SMARCA4: variants seen among roughly 807,000 people sequenced by gnomAD.
SMARCA4 encodes SWI/SNF related BAF chromatin remodeling complex subunit ATPase 4, also known as SWI/SNF-related matrix-associated actin-dependent regulator of chromatin subfamily A member 4.
SMARCA4 carries 31 observed loss-of-function variants against 193.9 expected under a neutral mutation model. That is an observed-to-expected ratio of 0.16 (90% CI 0.12 to 0.22). SMARCA4 has a LOEUF of 0.22. Ranked by LOEUF, SMARCA4 falls within the 10% of genes least tolerant of loss-of-function variation. The probability of loss-of-function intolerance (pLI) is 1.00; values close to 1 mark genes in which losing one functional copy is unlikely to be tolerated. For missense variants in SMARCA4, 1,148 were observed against 2,296.0 expected (o/e 0.50, Z 10.22); for synonymous variants, 942 against 933.1 (o/e 1.01, Z -0.17).
intron 34 of SMARCA4, among the ~76,000 whole-genome samples, chr19:11,061,192 A>T (rs1477377853): frequency 3.0e-4 from 11 of 37,178 alleles, no homozygotes; most frequent in South Asian, 1.4e-3. Context: ...TGTCTTTAAA[A>T]AAAAAAAAAA....
At position 10,985,347 on chromosome 19, in the gene SMARCA4, G is replaced by A. The variant is rs771605253; in HGVS notation, c.297G>A (p.Arg99=). ...ACCAGATGAAAGGAATGGGGATGCGGTCAGGGGGCCATGCTGGGATGGGGC... is the reference window on the plus strand; with the variant it reads ...ACCAGATGAAAGGAATGGGGATGCGATCAGGGGGCCATGCTGGGATGGGGC... The part of the protein sequence containing the change: ...RYNQMKGMGM[R]SGGHAGMGPP... The change falls in exon 3 of 35, where the codon CGG becomes CGA. Residue 99 remains arginine, a synonymous_variant. Transcript: ENST00000344626. The surrounding 1 kb of genome is among the most constrained non-coding windows in gnomAD (Gnocchi z 4.5). 30 of 1,613,992 alleles carry A rather than the reference G, an allele frequency of 1.9e-5. No individual in the cohort carries two copies. In the South Asian group the frequency reaches 3.2e-4, roughly 17 times the overall value.
chr19:10,991,527 C>T (rs755132971), intron 8 of SMARCA4, among the ~76,000 whole-genome samples: 15 of 152,192 alleles, frequency 9.9e-5, no homozygotes, highest in Non-Finnish European at 2.1e-4. Context: ...GAAATCCACG[C>T]GTAGCACGTC....
In SMARCA4 at chr19:10,986,687, G is replaced by A; in HGVS notation, c.760+94G>A. 1 of 1,521,814 alleles carries A rather than the reference G, an allele frequency of 6.6e-7. No homozygotes were observed. Among genetic ancestry groups the A allele is most frequent in the Non-Finnish European group, 8.8e-7 (1 of 1,137,284 alleles). 94.3% of individuals were successfully genotyped at this position (1,521,814 alleles called of 1,614,324 possible). On this transcript the variant is annotated intron_variant, in intron 4 of 34. Transcript: ENST00000344626. The surrounding 1 kb of genome is among the most constrained non-coding windows in gnomAD (Gnocchi z 6.7). ...CAGACCGTGCTCTGTTGCCGACTGG[G>A]TTCCCCGGTTTGGGATTGCACGGGC...
At chr19:11,045,478 C>T (rs977967701) in intron 30 of SMARCA4, among the ~76,000 whole-genome samples, 1 of 152,188 alleles carries the variant, frequency 6.6e-6, no homozygotes, top group Non-Finnish European at 1.5e-5. Flanking sequence ...CTCTATAGAT[C>T]TGGATGTGTA....
intron 15 of SMARCA4, chr19:11,011,006 C>T (rs1210575188): frequency 4.1e-6 from 1 of 245,586 alleles, no homozygotes; most frequent in Non-Finnish European, 8.2e-6. Context: ...GGACTCCGCT[C>T]TTTCTTCTGG....
At position 11,031,047 on chromosome 19, in the gene SMARCA4, TC is replaced by T; in HGVS notation, c.3546+155del. ...GCTGCACCCATATCTCCATAGGTCA[TC>T]AGGGAGAAAAGAGGCGGGGTCCTCC... On this transcript the variant is annotated intron_variant, in intron 25 of 34. Coordinates refer to ENST00000344626, the MANE Select transcript of SMARCA4 (RefSeq NM_003072.5). This position sits in a 1 kb window ranked among gnomAD's most constrained non-coding sequence, Gnocchi z 4.3. 1.4e-6 allele frequency: 1 copy of T among 727,244 alleles called. No individual in the cohort carries two copies. Among genetic ancestry groups the T allele is most frequent in the Non-Finnish European group, 2.4e-6 (1 of 415,582 alleles). The allele number at this position is 727,244 out of a possible 1,614,324, so 45.0% of individuals were successfully genotyped here. A position where few individuals can be genotyped will look rare whatever the true frequency, so the allele number is the denominator to read the frequency against.
rs1060502077 is a variant in SMARCA4, at chr19:10,984,195, G to C, written c.44G>C (p.Gly15Ala). The C allele has an allele frequency of 1.9e-6, 3 of 1,613,448 alleles. No individual in the cohort carries two copies. The highest frequency in any genetic ancestry group is 2.5e-6 in the Non-Finnish European group (3 of 1,179,838). Residue 15 changes from glycine (G) to alanine (A), a missense_variant, in exon 2 of 35, where the codon GGT (glycine) becomes GCT (alanine). Gly to Ala is a moderately conservative substitution (Grantham distance 60, BLOSUM62 0). Transcript: ENST00000344626. The surrounding 1 kb of genome is among the most constrained non-coding windows in gnomAD (Gnocchi z 4.3). ...CCCCTGGGCGGAACTCCTCGGCCAG[G>C]TCCTTCCCCGGGCCCTGGCCCTTCC... Reference protein sequence around the residue: ...DPPLGGTPRPGPSPGPGPSPG... With the variant: ...DPPLGGTPRPAPSPGPGPSPG...
At chr19:11,000,681 C>G (rs1306463188) in intron 11 of SMARCA4, among the ~76,000 whole-genome samples, 1 of 151,966 alleles carries the variant, frequency 6.6e-6, no homozygotes, top group Non-Finnish European at 1.5e-5. Flanking sequence ...GAGTTCGAGA[C>G]CAGTCTGGCC....
intron 1 of SMARCA4, among the ~76,000 whole-genome samples, chr19:10,972,148 G>T (rs1241508378): frequency 6.6e-6 from 1 of 151,992 alleles, no homozygotes; most frequent in East Asian, 1.9e-4. Flanking sequence ...TAGTAGAGAT[G>T]AGTTTTAACC....
rs1303255317 is a variant in SMARCA4, at chr19:11,058,277, G to A, written c.4447G>A (p.Glu1483Lys). The change falls in exon 31 of 35, where the codon GAG becomes AAG. Residue 1483 changes from glutamate (E) to lysine (K), a missense_variant. By Grantham distance (56) the Glu-to-Lys change is moderately conservative (BLOSUM62 1). Around this residue, in one of 17 missense-constraint regions of SMARCA4, gnomAD observed 141 missense variants for 193.0 expected, o/e 0.73. Transcript: ENST00000344626. This position sits in a 1 kb window ranked among gnomAD's most constrained non-coding sequence, Gnocchi z 5.8. The stretch of plus-strand genomic sequence containing the variant: ...CAGCAGCAGTGGACGTCAGCTCAGC[G>A]AGGTCTTCATCCAGCTGCCCTCGCG... ...KDSSSGRQLSEVFIQLPSRKE... is the reference protein window; with the variant it reads ...KDSSSGRQLSKVFIQLPSRKE... 4 of 1,612,952 alleles carry A rather than the reference G, an allele frequency of 2.5e-6. No individual in the cohort carries two copies. Among genetic ancestry groups the A allele is most frequent in the Non-Finnish European group, 3.4e-6 (4 of 1,179,880 alleles).
chr19:10,971,841 G>C (rs1196262903), intron 1 of SMARCA4, among the ~76,000 whole-genome samples: 3 of 149,168 alleles, frequency 2.0e-5, no homozygotes. Context: ...GGAGTGCAAT[G>C]GTGCGATCTT....
chr19:11,007,849 G>A (rs1309771871), intron 13 of SMARCA4, 53 bp from the exon 14 acceptor site: 31 of 1,601,736 alleles, frequency 1.9e-5, no homozygotes, highest in East Asian at 6.7e-5. Flanking sequence ...TGGGAGTCCC[G>A]TCCCCCCTCT....
chr19:10,989,394 A>G lies in SMARCA4; in HGVS notation c.1196A>G (p.Lys399Arg), dbSNP rs1364132635. The G allele has an allele frequency of 6.2e-7, 1 of 1,614,152 alleles. No homozygotes were observed. Among genetic ancestry groups the G allele is most frequent in the Admixed American group, 1.7e-5 (1 of 60,022 alleles). The change falls in exon 7 of 35, where the codon AAA becomes AGA. Residue 399 changes from lysine to arginine, a missense_variant. Coordinates refer to ENST00000344626, the MANE Select transcript of SMARCA4 (RefSeq NM_003072.5). ...PGSLAGDLRT[K>R]ATIELKALRL... ...TCCCTGGCCGGGGATTTGCGAACCAAAGCGACCATTGAGCTCAAGGCCCTC... is the reference window on the plus strand; with the variant it reads ...TCCCTGGCCGGGGATTTGCGAACCAGAGCGACCATTGAGCTCAAGGCCCTC...
intron 8 of SMARCA4, among the ~76,000 whole-genome samples, chr19:10,992,897 A>G (rs75275920): frequency 6.8e-6 from 1 of 147,130 alleles, no homozygotes; most frequent in Non-Finnish European, 1.5e-5. Context: ...GACCACCAAC[A>G]TTTTTTTATA....
At chr19:11,012,445 A>G (rs772044670) in intron 15 of SMARCA4, 1 of 186,150 alleles carries the variant, frequency 5.4e-6, no homozygotes, top group Non-Finnish European at 1.1e-5. Flanking sequence ...ATTTTCCTTC[A>G]TAACGTTATC....
intron 13 of SMARCA4, among the ~76,000 whole-genome samples, chr19:11,004,064 T>C (rs1228656323): frequency 1.3e-5 from 2 of 151,808 alleles, no homozygotes. Context: ...TTGCCCAGGC[T>C]GGAGTGCAGT....
At chr19:11,060,372 G>A in intron 34 of SMARCA4, 185 bp downstream of exon 34, 1 of 739,036 alleles carries the variant, frequency 1.4e-6, no homozygotes, top group South Asian at 1.7e-5. Flanking sequence ...GCCACTCAAA[G>A]CCAAGCCTGT....
In SMARCA4 at chr19:11,061,850, C is replaced by G. The variant is rs780956095; in HGVS notation, c.*34C>G. 6.5e-5 allele frequency: 105 copies of G among 1,608,684 alleles called. No homozygotes were observed. The highest frequency in any genetic ancestry group is 8.7e-5 in the Non-Finnish European group (102 of 1,175,230). ...ATTCCAGTCTCGACCCCGAGCCCCT[C>G]GTTCCAGAGCTGAGATGGCATAGGC... On this transcript the variant is annotated 3_prime_UTR_variant, in exon 35 of 35. Coordinates refer to ENST00000344626, the MANE Select transcript of SMARCA4 (RefSeq NM_003072.5).
intron 19 of SMARCA4, among the ~76,000 whole-genome samples, chr19:11,023,219 C>T (rs1600289946): frequency 6.6e-6 from 1 of 152,344 alleles, no homozygotes; most frequent in Non-Finnish European, 1.5e-5. Context: ...CGTGGAGAAG[C>T]AGCATGCCCG....
Sources: gnomAD v4.1 joint callset for allele counts (sites outside exome capture counted in the v4.1 genomes callset) on GRCh38, gnomAD v4.1.1 for gene constraint, gnomAD v4.1.1 regional missense constraint, Gnocchi (gnomAD v3.1) non-coding constraint, MANE v1.5 for transcripts, NCBI Gene and HGNC (gene_info 2026-07-23, HGNC 2026-07-21) for gene names.